The following TPH2 variants were observed in gnomAD, a reference collection of about 807,000 sequenced individuals.
TPH2 encodes the protein tryptophan 5-hydroxylase 2.
A neutral mutation model predicts 59.1 loss-of-function variants in TPH2; 27 were observed. The observed-to-expected ratio is 0.46, with a 90% CI of 0.34 to 0.63. TPH2 has a LOEUF of 0.63. Ranked by LOEUF, TPH2 falls within the 30% of genes least tolerant of loss-of-function variation. The pLI is 0.01. For synonymous variants in TPH2, 220 were observed against 210.5 expected, an observed-to-expected ratio of 1.05 and a Z score of -0.39; for missense variants, 523 against 588.3, an observed-to-expected ratio of 0.89 and a Z score of 1.15.
chr12:71,992,356 C>T (rs1022413553), intron 7 of TPH2, among the ~76,000 whole-genome samples: 23 of 152,136 alleles, frequency 1.5e-4, no homozygotes, highest in African/African-American at 5.3e-4. Flanking sequence ...CCGAGGTGGG[C>T]GGATCGCTTG....
chr12:71,944,545 T>A (rs910036896), intron 3 of TPH2, 41 bp from the exon 4 acceptor site: 4 of 1,613,664 alleles, frequency 2.5e-6, no homozygotes, highest in Non-Finnish European at 3.4e-6. Flanking sequence ...GAAAACACAA[T>A]CTGTGAACTA....
intron 6 of TPH2, among the ~76,000 whole-genome samples, chr12:71,973,734 A>G (rs1488051686): frequency 6.6e-6 from 1 of 152,222 alleles, no homozygotes; most frequent in Non-Finnish European, 1.5e-5. Flanking sequence ...AGATCCAAGA[A>G]TCCTCACTTG....
intron 4 of TPH2, among the ~76,000 whole-genome samples, chr12:71,946,074 C>G (rs1237474785): frequency 2.0e-5 from 3 of 152,104 alleles, no homozygotes; most frequent in Non-Finnish European, 4.4e-5. Flanking sequence ...GCACAGACAC[C>G]AGCTGTTAAC....
chr12:71,958,916 T>C (rs1871595042), intron 5 of TPH2, among the ~76,000 whole-genome samples: 1 of 152,158 alleles, frequency 6.6e-6, no homozygotes, highest in South Asian at 2.1e-4. Context: ...ATCTGAAAAA[T>C]GCAATCACCA....
At chr12:72,004,400 T>C (rs1472074500) in intron 8 of TPH2, among the ~76,000 whole-genome samples, 1 of 150,452 alleles carries the variant, frequency 6.6e-6, no homozygotes, top group Non-Finnish European at 1.5e-5. Flanking sequence ...GAAATACTTC[T>C]TCTCATCATT....
At chr12:71,946,162 A>G (rs1394793439) in intron 4 of TPH2, among the ~76,000 whole-genome samples, 1 of 152,148 alleles carries the variant, frequency 6.6e-6, no homozygotes, top group Non-Finnish European at 1.5e-5. Context: ...TAAAATTGTT[A>G]CTGACCTCAA....
intron 7 of TPH2, among the ~76,000 whole-genome samples, chr12:71,986,406 C>G (rs778780233): frequency 6.6e-6 from 1 of 151,986 alleles, no homozygotes; most frequent in Non-Finnish European, 1.5e-5. Flanking sequence ...TGTGAAGTGC[C>G]TAAAGCAAAA....
chr12:72,023,821 G>GAAAAAAAAAAAAAAA (rs767208238), intron 9 of TPH2, among the ~76,000 whole-genome samples: 1 of 27,928 alleles, frequency 3.6e-5, no homozygotes, highest in Admixed American at 3.7e-4. Flanking sequence ...GACTCTGACA[G>GAAAAAAAAAAAAAAA]AAAAAAAAAA....
chr12:71,980,055 A>G (rs1053313244), intron 7 of TPH2, among the ~76,000 whole-genome samples: 8 of 152,180 alleles, frequency 5.3e-5, no homozygotes, highest in Non-Finnish European at 1.0e-4. Flanking sequence ...TGGCAAGGAG[A>G]TGGAGAGTCC....
Position 72,010,818 on chromosome 12 carries a change from C to T in TPH2, c.1069-11581C>T, listed in dbSNP as rs560788627. 2.3e-4 allele frequency among the ~76,000 whole-genome samples: 35 copies of T among 152,268 alleles called. No individual in the cohort carries two copies. The South Asian group carries it at 6.8e-3, about 30-fold the overall frequency. ...ATTCGAGAGCTGACCTTTAAAATCACCACATCTGGGGAGAATGTGTGATTT... is the reference window on the plus strand; with the variant it reads ...ATTCGAGAGCTGACCTTTAAAATCATCACATCTGGGGAGAATGTGTGATTT... On this transcript the variant is annotated intron_variant, in intron 8 of 10. Coordinates refer to ENST00000333850, the MANE Select transcript of TPH2 (RefSeq NM_173353.4).
intron 6 of TPH2, among the ~76,000 whole-genome samples, chr12:71,974,345 A>G (rs1290543030): frequency 6.6e-6 from 1 of 152,210 alleles, no homozygotes; most frequent in Non-Finnish European, 1.5e-5. Context: ...GGAGCTAAGA[A>G]GTCTAAAATC....
At chr12:71,941,491 C>A in intron 1 of TPH2, 93 bp from the exon 2 acceptor site, 1 of 1,476,598 alleles carries the variant, frequency 6.8e-7, no homozygotes, top group Non-Finnish European at 9.2e-7. Flanking sequence ...GAGCTTCCAG[C>A]TTATGAATGA....
chr12:72,004,448 A>G (rs1288817989), intron 8 of TPH2, among the ~76,000 whole-genome samples: 1 of 151,246 alleles, frequency 6.6e-6, no homozygotes, highest in Admixed American at 6.6e-5. Flanking sequence ...GAGGTGTGTT[A>G]TTGGATATCT....
intron 1 of TPH2, among the ~76,000 whole-genome samples, chr12:71,941,298 C>T (rs931132920): frequency 9.9e-5 from 15 of 151,994 alleles, no homozygotes; most frequent in Non-Finnish European, 1.5e-4. Context: ...ATATTGCAGG[C>T]GTTACGACAG....
chr12:71,996,992 A>G (rs149271213), intron 8 of TPH2, among the ~76,000 whole-genome samples: 25 of 152,330 alleles, frequency 1.6e-4, no homozygotes, highest in African/African-American at 5.8e-4. Context: ...GAGAAAAGAT[A>G]GTCAAGTGGA....
chr12:72,004,057 C>A (rs779888236), intron 8 of TPH2, among the ~76,000 whole-genome samples: 2 of 138,830 alleles, frequency 1.4e-5, no homozygotes, highest in Non-Finnish European at 3.1e-5. Flanking sequence ...TGCAGAAGCA[C>A]CATAGTCAAC....
At chr12:72,030,409 T>C (rs1873689149) in intron 9 of TPH2, among the ~76,000 whole-genome samples, 1 of 152,114 alleles carries the variant, frequency 6.6e-6, no homozygotes, top group Non-Finnish European at 1.5e-5. Flanking sequence ...GAACCATCAA[T>C]CTAGGGTCTA....
At chr12:71,972,346 C>T (rs1247981859) in intron 5 of TPH2, among the ~76,000 whole-genome samples, 173 bp from the exon 6 acceptor site, 1 of 152,146 alleles carries the variant, frequency 6.6e-6, no homozygotes, top group Admixed American at 6.5e-5. Flanking sequence ...AATACACATG[C>T]ACAACATTAG....
intron 7 of TPH2, among the ~76,000 whole-genome samples, chr12:71,990,233 A>C (rs1008425876): frequency 1.9e-4 from 29 of 152,298 alleles, no homozygotes; most frequent in African/African-American, 7.0e-4. Context: ...CACATCGGGA[A>C]CCTGTTCATA....
Sources: gnomAD v4.1 joint callset for allele counts (sites outside exome capture counted in the v4.1 genomes callset) on GRCh38, gnomAD v4.1.1 for gene constraint, MANE v1.5 for transcripts, NCBI Gene and HGNC (gene_info 2026-07-23, HGNC 2026-07-21) for gene names.